Variants in EVC2 observed in about 807,000 individuals in gnomAD.
EVC2 encodes EvC ciliary complex subunit 2.
EVC2 carries 148 observed loss-of-function variants against 149.3 expected under a neutral mutation model. The ratio of observed to expected loss-of-function variants is 0.99; its 90% CI spans 0.87 to 1.14. The LOEUF is 1.14. EVC2 is among the 50% of genes most tolerant of loss of function. EVC2 has a pLI of 0.00. For synonymous variants in EVC2, 776 were observed against 649.9 expected, an observed-to-expected ratio of 1.19 and a Z score of -2.95; for missense variants, 1,854 against 1,627.3, an observed-to-expected ratio of 1.14 and a Z score of -2.40.
Position 5,696,911 on chromosome 4 carries a change from T to C in EVC2, c.283+682A>G, listed in dbSNP as rs1323170462. Among the ~76,000 whole-genome samples, 2 of 152,310 alleles carry C rather than the reference T, an allele frequency of 1.3e-5. No homozygotes were observed. Among genetic ancestry groups the C allele is most frequent in the East Asian group, 3.9e-4 (2 of 5,182 alleles). On this transcript the variant is annotated intron_variant, in intron 2 of 21. Transcript: ENST00000344408. The surrounding 1 kb of genome is among the most constrained non-coding windows in gnomAD (Gnocchi z 4.1). ...AGATACTTTGCAAATGTGATTCCAT[T>C]AAGGGCTTCGAGATGGGGAGATTGC...
In EVC2 at chr4:5,679,736, T is replaced by C. The variant is rs1484952262; in HGVS notation, c.870+1524A>G. Among the ~76,000 whole-genome samples the C allele has an allele frequency of 6.6e-6, 1 of 152,146 alleles. No homozygotes were observed. The highest frequency in any genetic ancestry group is 2.4e-5 in the African/African-American group (1 of 41,426). ...GCACCTATCAACCTGTCATCTAGGT[T>C]TTAAGCCCCACATGTAATTGCCCTT... On this transcript the variant is annotated intron_variant, in intron 7 of 21. Coordinates refer to ENST00000344408, the MANE Select transcript of EVC2 (RefSeq NM_147127.5). The surrounding 1 kb of genome is among the most constrained non-coding windows in gnomAD (Gnocchi z 5.1).
At chr4:5,685,222 G>A (rs1371167040) in intron 6 of EVC2, 148 bp downstream of exon 6, 2 of 803,388 alleles carry the variant, frequency 2.5e-6, no homozygotes, top group Non-Finnish European at 4.2e-6. Flanking sequence ...CAAGGCGTGT[G>A]AGACTCCAGG....
intron 11 of EVC2, among the ~76,000 whole-genome samples, chr4:5,630,663 C>T (rs1716465773): frequency 1.3e-5 from 2 of 152,184 alleles, no homozygotes; most frequent in Admixed American, 6.5e-5. Flanking sequence ...ACCGTGAACA[C>T]ATTACTGCAC....
rs371543524 is a variant in EVC2 at position 5,689,111 on chromosome 4, C to A, written c.706+46G>T. 3.4e-5 allele frequency: 55 copies of A among 1,603,180 alleles called. No individual in the cohort carries two copies. The African/African-American group carries it at 4.8e-4, about 14-fold the overall frequency. On this transcript the variant is annotated intron_variant, in intron 5 of 21. Coordinates refer to ENST00000344408, the MANE Select transcript of EVC2 (RefSeq NM_147127.5). ...ACACATTCACCTGGAAGTATCTGTA[C>A]ATATTCTCATTTGTCATCCCTGACT...
intron 21 of EVC2, among the ~76,000 whole-genome samples, chr4:5,556,178 T>C (rs1207437585): frequency 6.2e-5 from 1 of 16,094 alleles, no homozygotes; most frequent in Non-Finnish European, 1.1e-4. Flanking sequence ...AGACTCCGTC[T>C]CAAAAAAAAA....
chr4:5,659,332 T>C (rs1193826344), intron 9 of EVC2, among the ~76,000 whole-genome samples: 1 of 151,996 alleles, frequency 6.6e-6, no homozygotes, highest in East Asian at 1.9e-4. Flanking sequence ...AGTGACATTT[T>C]CTTTCTGGGA....
intron 9 of EVC2, among the ~76,000 whole-genome samples, chr4:5,650,538 A>T (rs1718027798): frequency 6.7e-6 from 1 of 149,960 alleles, no homozygotes; most frequent in Non-Finnish European, 1.5e-5. Flanking sequence ...TATCACCTAC[A>T]TCAAACGAAA....
At chr4:5,616,644 C>T (rs77991391) in intron 15 of EVC2, among the ~76,000 whole-genome samples, 3,377 of 152,322 alleles carry the variant, frequency 0.022, 99 homozygotes, top group African/African-American at 0.072. Flanking sequence ...ATTTTATCCC[C>T]AGGCCTTGGT....
intron 16 of EVC2, among the ~76,000 whole-genome samples, chr4:5,593,638 G>C (rs1345587597): frequency 2.0e-5 from 3 of 152,198 alleles, no homozygotes; most frequent in Non-Finnish European, 4.4e-5. Context: ...CCCAGCGTGA[G>C]CGACGCACAA....
chr4:5,607,457 T>A (rs767487789), intron 16 of EVC2, among the ~76,000 whole-genome samples: 10 of 152,204 alleles, frequency 6.6e-5, no homozygotes, highest in Non-Finnish European at 1.0e-4. Flanking sequence ...AAATTCTGTG[T>A]CTGTGCATTT....
intron 16 of EVC2, among the ~76,000 whole-genome samples, chr4:5,612,049 C>T (rs111430157): frequency 0.022 from 3,336 of 152,214 alleles, 98 homozygotes; most frequent in African/African-American, 0.071. Context: ...ATCACATTTG[C>T]CAAGACGGAA....
At chr4:5,621,616 G>T (rs1388510397) in intron 14 of EVC2, among the ~76,000 whole-genome samples, 1 of 152,216 alleles carries the variant, frequency 6.6e-6, no homozygotes, top group Non-Finnish European at 1.5e-5. Flanking sequence ...TCCTGGGCTA[G>T]GCCAAATCCC....
At chr4:5,557,326 CAATT>C (rs1721856424) in intron 21 of EVC2, among the ~76,000 whole-genome samples, 1 of 152,044 alleles carries the variant, frequency 6.6e-6, no homozygotes, top group South Asian at 2.1e-4. Flanking sequence ...AAAATCCTAT[CAATT>C]GATACAGAAA....
intron 16 of EVC2, among the ~76,000 whole-genome samples, chr4:5,608,866 G>A (rs193088073): frequency 2.6e-5 from 4 of 152,288 alleles, no homozygotes; most frequent in African/African-American, 9.6e-5. Flanking sequence ...GCAGATAGTA[G>A]AGATTACCCT....
At position 5,567,018 on chromosome 4, in the gene EVC2, T is replaced by C. The variant is rs73072302; in HGVS notation, c.3557+1426A>G. Among the ~76,000 whole-genome samples, 239 of 152,216 alleles carry C rather than the reference T, an allele frequency of 1.6e-3. No homozygotes were observed. Among genetic ancestry groups the C allele is most frequent in the African/African-American group, 5.3e-3 (220 of 41,528 alleles). On this transcript the variant is annotated intron_variant, in intron 20 of 21. Coordinates refer to ENST00000344408, the MANE Select transcript of EVC2 (RefSeq NM_147127.5). The surrounding 1 kb of genome is among the most constrained non-coding windows in gnomAD (Gnocchi z 4.4). ...GCTCCTAATATTCCATGGAGGAGCG[T>C]AGCATAGAGCATGTAACTGTCATCC...
intron 17 of EVC2, among the ~76,000 whole-genome samples, chr4:5,581,075 C>T (rs759229778): frequency 4.6e-5 from 7 of 152,218 alleles, no homozygotes; most frequent in Non-Finnish European, 7.3e-5. Flanking sequence ...AGAAGCTGAG[C>T]AGATGCATCA....
At chr4:5,663,619 C>G (rs1477578292) in intron 8 of EVC2, among the ~76,000 whole-genome samples, 1 of 152,188 alleles carries the variant, frequency 6.6e-6, no homozygotes, top group Non-Finnish European at 1.5e-5. Context: ...TGGCTAGTTT[C>G]TAATCGGAAT....
At chr4:5,688,374 C>T (rs1720864614) in intron 5 of EVC2, among the ~76,000 whole-genome samples, 2 of 152,178 alleles carry the variant, frequency 1.3e-5, no homozygotes, top group Admixed American at 1.3e-4. Flanking sequence ...GGGAGCCACA[C>T]TGCCTGAGCT....
chr4:5,654,879 T>C (rs991740692), intron 9 of EVC2, among the ~76,000 whole-genome samples: 1 of 152,218 alleles, frequency 6.6e-6, no homozygotes, highest in African/African-American at 2.4e-5. Flanking sequence ...ACTGCAATGC[T>C]GGTTTCATCT....
Sources: allele counts gnomAD v4.1 joint callset (sites outside exome capture counted in the v4.1 genomes callset), GRCh38; gene constraint gnomAD v4.1.1; non-coding constraint Gnocchi (gnomAD v3.1); transcripts MANE v1.5; gene names NCBI Gene and HGNC (gene_info 2026-07-23, HGNC 2026-07-21).